CHMP1A: variants seen among roughly 807,000 people sequenced by gnomAD.
CHMP1A encodes VPS46 homolog A.
A neutral mutation model predicts 27.0 loss-of-function variants in CHMP1A; 17 were observed. The ratio of observed to expected loss-of-function variants is 0.63; its 90% CI spans 0.43 to 0.95. CHMP1A has a LOEUF of 0.95. Ranked by LOEUF, CHMP1A falls within the 40% of genes least tolerant of loss-of-function variation. CHMP1A has a pLI of 0.00. For synonymous variants in CHMP1A, 131 were observed against 107.5 expected, an observed-to-expected ratio of 1.22 and a Z score of -1.35; for missense variants, 275 against 264.0, an observed-to-expected ratio of 1.04 and a Z score of -0.29.
At position 89,645,945 on chromosome 16, in the gene CHMP1A, C is replaced by G. The variant is rs116776046; in HGVS notation, c.*121G>C. The G allele has an allele frequency of 3.2e-4, 522 of 1,611,554 alleles. 1 individual carries two copies. In the African/African-American group the frequency reaches 6.0e-3, roughly 18 times the overall value. On this transcript the variant is annotated 3_prime_UTR_variant, in exon 7 of 7. Coordinates refer to ENST00000397901, the MANE Select transcript of CHMP1A (RefSeq NM_002768.5). ...CCACGCAGGCCTGGCAGGTGAGAGA[C>G]GCAGAGTGGCTGCCGGCCGCAGCCC...
chr16:89,646,841 T>C, intron 5 of CHMP1A, 127 bp from the exon 6 acceptor site: 1 of 1,121,594 alleles, frequency 8.9e-7, no homozygotes, highest in South Asian at 1.4e-5. Context: ...CCCTGTTCTC[T>C]CAGTGACTCT....
rs764358419 is a variant in CHMP1A, at chr16:89,649,495, G to T, written c.108C>A (p.Ala36=). 21 of 1,613,542 alleles carry T rather than the reference G, an allele frequency of 1.3e-5. No homozygotes were observed. Among genetic ancestry groups the T allele is most frequent in the Non-Finnish European group, 1.8e-5 (21 of 1,179,864 alleles). The change falls in exon 4 of 7, where the codon GCC becomes GCA. Residue 36 remains alanine (A), a splice_region_variant and synonymous_variant. Coordinates refer to ENST00000397901, the MANE Select transcript of CHMP1A (RefSeq NM_002768.5). ...CACACTCTACATTTTTCTGCAGAAG[G>T]GCCTGAAACCCGCGGGGGAAAGCAG... ...SKAEQAKVKK[A]LLQKNVECAR...
chr16:89,657,585 C>T lies in CHMP1A; in HGVS notation c.4G>A (p.Asp2Asn). The T allele has an allele frequency of 1.9e-6, 3 of 1,611,318 alleles. No homozygotes were observed. The highest frequency in any genetic ancestry group is 2.5e-6 in the Non-Finnish European group (3 of 1,179,304). ...GAGGACGGCCGCGACCTCTTACCGT[C>T]CATGGCCACAATGACAGGAGCAGCA... Reference protein sequence around the residue: MDDTLFQLKFTA... With the variant: MNDTLFQLKFTA... Residue 2 changes from aspartate (D) to asparagine (N), a missense_variant, in exon 1 of 7, where the codon GAC (aspartate) becomes AAC (asparagine). Physicochemically the swap from Asp to Asn is conservative, Grantham distance 23. Transcript: ENST00000397901.
At chr16:89,657,362 T>A (rs1459180559) in intron 1 of CHMP1A, among the ~76,000 whole-genome samples, 1 of 61,198 alleles carries the variant, frequency 1.6e-5, no homozygotes, top group African/African-American at 6.6e-5. Context: ...GTCGAGGCCC[T>A]GGGGATGGGG....
chr16:89,651,301 G>A (rs1347230597), intron 3 of CHMP1A, among the ~76,000 whole-genome samples: 2 of 144,248 alleles, frequency 1.4e-5, no homozygotes, highest in African/African-American at 2.6e-5. Context: ...AACCCGGGAG[G>A]CGGAGGTTGC....
intron 1 of CHMP1A, among the ~76,000 whole-genome samples, chr16:89,655,423 CTCACCTCAGCTCTCCT>C (rs2059857293): frequency 7.0e-6 from 1 of 142,336 alleles, no homozygotes; most frequent in Admixed American, 7.3e-5. Context: ...TCAGCTTTCC[CTCACCTCAGCTCTCCT>C]CACCTCAGCT....
intron 3 of CHMP1A, among the ~76,000 whole-genome samples, chr16:89,651,177 A>G (rs948169562): frequency 6.6e-6 from 1 of 152,168 alleles, no homozygotes; most frequent in East Asian, 1.9e-4. Flanking sequence ...TAAGAGTTCG[A>G]GACCGGCCTG....
Position 89,657,296 on chromosome 16 carries a change from G to C in CHMP1A, c.7+286C>G, listed in dbSNP as rs76607656. 0.022 allele frequency among the ~76,000 whole-genome samples: 3,262 copies of C among 150,108 alleles called. 596 individuals carry two copies. The East Asian group carries it at 0.49, about 23-fold the overall frequency. On this transcript the variant is annotated intron_variant, in intron 1 of 6. Transcript: ENST00000397901. ...TTGGTGGTCTAGGCCCTGGGGAAGG[G>C]GTTCCGGGTCGGGTATCGGGGGACG...
chr16:89,657,619 G>A lies in CHMP1A; in HGVS notation c.-31C>T, dbSNP rs73262948. On this transcript the variant is annotated 5_prime_UTR_variant, in exon 1 of 7. Transcript: ENST00000397901. ...CAATGACAGGAGCAGCACTCGGAGAGGGAGAAGGGACGCCAACTCCGGGCG... is the reference window on the plus strand; with the variant it reads ...CAATGACAGGAGCAGCACTCGGAGAAGGAGAAGGGACGCCAACTCCGGGCG... 5,249 of 1,610,174 alleles carry A rather than the reference G, an allele frequency of 3.3e-3. 165 individuals are homozygous for A. In the African/African-American group the frequency reaches 0.062, roughly 19 times the overall value.
intron 4 of CHMP1A, among the ~76,000 whole-genome samples, 177 bp from the exon 5 acceptor site, chr16:89,647,508 G>A (rs916225032): frequency 3.3e-5 from 5 of 152,162 alleles, no homozygotes; most frequent in Admixed American, 6.5e-5. Context: ...CCAACTCGAC[G>A]GAAAAGGCCA....
intron 1 of CHMP1A, among the ~76,000 whole-genome samples, chr16:89,657,286 C>T (rs2151520254): frequency 7.1e-6 from 1 of 141,124 alleles, no homozygotes; most frequent in African/African-American, 2.7e-5. Flanking sequence ...GGTCTAGGCC[C>T]TGGGGAAGGG....
At chr16:89,651,400 ACAAAATATAT>A (rs1407082758) in intron 3 of CHMP1A, among the ~76,000 whole-genome samples, 159 bp downstream of exon 3, 2 of 150,710 alleles carry the variant, frequency 1.3e-5, no homozygotes, top group Non-Finnish European at 3.0e-5. Context: ...AAACAAACAA[ACAAAATATAT>A]ATATATATGT....
chr16:89,646,309 C>CA (rs1228779055), intron 6 of CHMP1A, among the ~76,000 whole-genome samples: 4 of 152,208 alleles, frequency 2.6e-5, no homozygotes, highest in Non-Finnish European at 5.9e-5. Flanking sequence ...ATGCCTGACA[C>CA]ACACTCAAGC....
At chr16:89,646,385 G>A (rs977237207) in intron 6 of CHMP1A, 142 bp downstream of exon 6, 11 of 991,402 alleles carry the variant, frequency 1.1e-5, no homozygotes, top group Middle Eastern at 6.7e-4. Context: ...GCTGCAGCTG[G>A]GGCCTCTGAG....
At chr16:89,649,088 G>C in intron 4 of CHMP1A, 1 of 477,376 alleles carries the variant, frequency 2.1e-6, no homozygotes, top group Middle Eastern at 5.4e-4. Flanking sequence ...TGGGGCATCA[G>C]TGCAAGCTCA....
At chr16:89,653,838 G>A in intron 2 of CHMP1A, 66 bp downstream of exon 2, 1 of 1,507,200 alleles carries the variant, frequency 6.6e-7, no homozygotes, top group Non-Finnish European at 9.2e-7. Flanking sequence ...GGCTCTGAGT[G>A]AGCGTGGCTT....
Position 89,649,433 on chromosome 16 carries a change from T to A in CHMP1A, c.170A>T (p.Asn57Ile). ...VYAENAIRKK[N>I]EGVNWLRMAS... is the part of the protein sequence containing the mutation. ...CATCCGAAGCCAGTTCACACCTTCG[T>A]TCTTCTTGCGGATGGCGTTCTCGGC... The change falls in exon 4 of 7, where the codon AAC (asparagine) becomes ATC (isoleucine). Residue 57 changes from asparagine (N) to isoleucine (I), a missense_variant. Physicochemically the swap from Asn to Ile is moderately radical, Grantham distance 149. Transcript: ENST00000397901. 1.2e-6 allele frequency: 2 copies of A among 1,613,766 alleles called. No homozygotes were observed. The highest frequency in any genetic ancestry group is 1.3e-5 in the African/African-American group (1 of 75,046).
Position 89,647,298 on chromosome 16 carries a change from G to C in CHMP1A, c.286C>G (p.Leu96Val), listed in dbSNP as rs1343061053. ...TKNMAQVTKA[L>V]DKALSTMDLQ... Reference sequence around the variant, plus strand: ...TCCATGGTGCTCAGGGCCTTGTCCAGGGCTTTGGTCACCTGGGCCATATTC... The same window carrying C: ...TCCATGGTGCTCAGGGCCTTGTCCACGGCTTTGGTCACCTGGGCCATATTC... The change falls in exon 5 of 7, where the codon CTG becomes GTG. Residue 96 changes from leucine to valine, a missense_variant. Transcript: ENST00000397901. 1 of 1,611,546 alleles carries C rather than the reference G, an allele frequency of 6.2e-7. No individual in the cohort carries two copies. The highest frequency in any genetic ancestry group is 1.7e-5 in the Admixed American group (1 of 59,836).
intron 4 of CHMP1A, among the ~76,000 whole-genome samples, chr16:89,647,559 C>A (rs1019038771): frequency 7.0e-6 from 1 of 143,442 alleles, no homozygotes; most frequent in South Asian, 2.3e-4. Context: ...AGGCCGCCGA[C>A]GTGGAGACCC....
Sources: gnomAD v4.1 joint callset for allele counts (sites outside exome capture counted in the v4.1 genomes callset) on GRCh38, gnomAD v4.1.1 for gene constraint, MANE v1.5 for transcripts, NCBI Gene and HGNC (gene_info 2026-07-23, HGNC 2026-07-21) for gene names.